Variants in DNAJC6 observed in about 807,000 individuals in gnomAD.
The protein encoded by DNAJC6 is DnaJ heat shock protein family (Hsp40) member C6.
Under a neutral mutation model 110.0 loss-of-function variants are expected in DNAJC6, and 34 were observed. That is an observed-to-expected ratio of 0.31 (90% CI 0.24 to 0.41). DNAJC6 has a LOEUF of 0.41. DNAJC6 is among the 10% of genes least tolerant of loss of function. The pLI is 1.00. For missense variants in DNAJC6, 1,031 were observed against 1,207.8 expected (o/e 0.85, Z 2.17); for synonymous variants, 406 against 437.2 (o/e 0.93, Z 0.89).
At chr1:65,373,663 T>G (rs1402243973) in intron 4 of DNAJC6, among the ~76,000 whole-genome samples, 1 of 151,908 alleles carries the variant, frequency 6.6e-6, no homozygotes, top group African/African-American at 2.4e-5. Context: ...TTTGAGCTCC[T>G]TATATATTCT....
chr1:65,405,793 G>A, intron 15 of DNAJC6, 77 bp from the exon 16 acceptor site: 6 of 1,501,082 alleles, frequency 4.0e-6, no homozygotes, highest in Non-Finnish European at 5.4e-6. Context: ...TAAAGCCACT[G>A]CAAACAGTGT....
chr1:65,409,704 G>A (rs572414392), intron 17 of DNAJC6, among the ~76,000 whole-genome samples: 21 of 152,268 alleles, frequency 1.4e-4, no homozygotes, highest in Admixed American at 1.3e-3. Flanking sequence ...GGAGAGAAAG[G>A]CTGAGGGAAG....
chr1:65,288,203 A>T (rs1413616088), intron 1 of DNAJC6, among the ~76,000 whole-genome samples: 1 of 152,180 alleles, frequency 6.6e-6, no homozygotes, highest in African/African-American at 2.4e-5. Context: ...TCAAATCCTG[A>T]GTCCTTAGGG....
Position 65,367,115 on chromosome 1 carries a change from T to G in DNAJC6, c.543+919T>G, listed in dbSNP as rs1645653906. On this transcript the variant is annotated intron_variant, in intron 4 of 18. Transcript: ENST00000371069. ...ATATTCAATAAGCTATGGGAGAGTT[T>G]TAAGGACCTCTTTTTCAGCGTATTC... Among the ~76,000 whole-genome samples the G allele has an allele frequency of 2.6e-5, 4 of 152,182 alleles. No homozygotes were observed. The South Asian group carries it at 8.3e-4, about 31-fold the overall frequency.
At chr1:65,375,588 G>A (rs1436933380) in intron 4 of DNAJC6, among the ~76,000 whole-genome samples, 1 of 151,980 alleles carries the variant, frequency 6.6e-6, no homozygotes, top group Non-Finnish European at 1.5e-5. Flanking sequence ...ACCACGCCCG[G>A]CTAATTTTTT....
At chr1:65,313,219 ATTTTTTT>A (rs1338581703) in intron 1 of DNAJC6, among the ~76,000 whole-genome samples, 1 of 135,832 alleles carries the variant, frequency 7.4e-6, no homozygotes. Context: ...TGCCTGGCTA[ATTTTTTT>A]TTTTTTTTTC....
intron 1 of DNAJC6, among the ~76,000 whole-genome samples, chr1:65,332,527 C>T (rs1645298038): frequency 6.6e-6 from 1 of 152,206 alleles, no homozygotes; most frequent in Non-Finnish European, 1.5e-5. Context: ...AGCTCATTAT[C>T]AGCAATGACT....
At chr1:65,371,601 T>C (rs1485529943) in intron 4 of DNAJC6, among the ~76,000 whole-genome samples, 2 of 152,216 alleles carry the variant, frequency 1.3e-5, no homozygotes, top group African/African-American at 2.4e-5. Flanking sequence ...GTAGAAGCAT[T>C]CATTCCTATG....
In DNAJC6 at chr1:65,413,102, T is replaced by G. The variant is rs916941854; in HGVS notation, c.*77T>G. On this transcript the variant is annotated 3_prime_UTR_variant, in exon 19 of 19. Transcript: ENST00000371069. The stretch of plus-strand genomic sequence containing the variant: ...GTCACAATTCTGAGGTTTTCGCAGA[T>G]GAACCAAAAACTCCAGTAACATGTT... The G allele has an allele frequency of 5.1e-5, 66 of 1,302,688 alleles. No individual in the cohort carries two copies. Among genetic ancestry groups the G allele is most frequent in the Non-Finnish European group, 6.5e-5 (60 of 920,856 alleles). 80.7% of individuals were successfully genotyped at this position (1,302,688 alleles called of 1,614,324 possible).
intron 1 of DNAJC6, among the ~76,000 whole-genome samples, chr1:65,300,043 CAA>C (rs59681451): frequency 8.9e-6 from 1 of 112,042 alleles, no homozygotes; most frequent in Non-Finnish European, 1.9e-5. Context: ...AACTCCATCT[CAA>C]AAAAAAAAAA....
chr1:65,358,083 G>A (rs766424086), intron 1 of DNAJC6, among the ~76,000 whole-genome samples: 14 of 150,302 alleles, frequency 9.3e-5, no homozygotes, highest in Admixed American at 2.7e-4. Context: ...GGAGGCCGAC[G>A]CAGGTGAATC....
chr1:65,340,656 GGTT>G (rs750196195), intron 1 of DNAJC6, among the ~76,000 whole-genome samples: 17 of 152,126 alleles, frequency 1.1e-4, no homozygotes, highest in Non-Finnish European at 2.1e-4. Context: ...CACCACAGCA[GGTT>G]GTTGTAATGA....
intron 1 of DNAJC6, among the ~76,000 whole-genome samples, chr1:65,360,449 T>C (rs545635190): frequency 1.3e-5 from 2 of 152,198 alleles, no homozygotes; most frequent in African/African-American, 4.8e-5. Flanking sequence ...TGTAGTTCTA[T>C]TCCAGCATAA....
intron 4 of DNAJC6, among the ~76,000 whole-genome samples, chr1:65,367,873 A>ATTT (rs67626971): frequency 7.3e-6 from 1 of 136,940 alleles, no homozygotes; most frequent in Non-Finnish European, 1.6e-5. Context: ...AGGAGGGAGC[A>ATTT]TTTTTTTTTT....
chr1:65,385,582 T>C (rs943022001), intron 6 of DNAJC6, 130 bp from the exon 7 acceptor site: 5 of 762,340 alleles, frequency 6.6e-6, no homozygotes, highest in Middle Eastern at 3.7e-4. Flanking sequence ...TGCTAGTTAA[T>C]ATTTAAGAAA....
intron 4 of DNAJC6, among the ~76,000 whole-genome samples, chr1:65,376,643 T>A (rs1645769212): frequency 6.6e-6 from 1 of 151,844 alleles, no homozygotes; most frequent in Non-Finnish European, 1.5e-5. Flanking sequence ...ATTGACTCAT[T>A]GGTTGTTTAA....
intron 11 of DNAJC6, 59 bp downstream of exon 11, chr1:65,389,686 A>G: frequency 6.3e-7 from 1 of 1,580,854 alleles, no homozygotes; most frequent in Non-Finnish European, 8.7e-7. Flanking sequence ...TCTTCTGTAA[A>G]GATGTTGGCC....
chr1:65,325,484 G>A (rs1645233882), intron 1 of DNAJC6, among the ~76,000 whole-genome samples: 1 of 152,156 alleles, frequency 6.6e-6, no homozygotes, highest in African/African-American at 2.4e-5. Flanking sequence ...ATTGTGTGAT[G>A]ATTAAAATGT....
At chr1:65,364,817 A>G (rs756260120) in intron 2 of DNAJC6, 32 bp downstream of exon 2, 1 of 1,609,764 alleles carries the variant, frequency 6.2e-7, no homozygotes, top group Non-Finnish European at 8.5e-7. Context: ...AATTTAGTGG[A>G]TCCCCATGCT....
Sources: gnomAD v4.1 joint callset for allele counts (sites outside exome capture counted in the v4.1 genomes callset) on GRCh38, gnomAD v4.1.1 for gene constraint, MANE v1.5 for transcripts, NCBI Gene and HGNC (gene_info 2026-07-23, HGNC 2026-07-21) for gene names.